Variants in CLEC16A observed in about 807,000 individuals in gnomAD.
CLEC16A encodes C-type lectin domain containing 16A, also known as protein CLEC16A.
CLEC16A carries 51 observed loss-of-function variants against 109.5 expected under a neutral mutation model. The ratio of observed to expected loss-of-function variants is 0.47; its 90% confidence interval spans 0.37 to 0.59. CLEC16A has a LOEUF of 0.59. Among genes scored for constraint, CLEC16A ranks in the 20% least tolerant of loss-of-function variants. CLEC16A has a pLI of 0.00. For synonymous variants in CLEC16A, 673 were observed against 564.2 expected (o/e 1.19, Z -2.73); for missense variants, 1,339 against 1,394.0 (o/e 0.96, Z 0.63).
At position 11,166,456 on chromosome 16, in the gene CLEC16A, G is replaced by A. The variant is rs61736204; in HGVS notation, c.2710G>A (p.Ala904Thr). ...CCTGTCCTCACAGTCGCCACCCTCCGCCAGCGGGAGCCCCAGCGGCAGCGG... is the reference window on the plus strand; with the variant it reads ...CCTGTCCTCACAGTCGCCACCCTCCACCAGCGGGAGCCCCAGCGGCAGCGG... ...PSLSSQSPPS[A>T]SGSPSGSGST... Residue 904 changes from alanine to threonine, a missense_variant, in exon 23 of 24, where the codon GCC becomes ACC. Physicochemically the swap from Ala to Thr is moderately conservative, Grantham distance 58 (BLOSUM62 0). This residue lies in a region of CLEC16A where 1,061 missense variants were observed against 1,006.8 expected (regional missense o/e 1.05). Coordinates refer to ENST00000409790, the MANE Select transcript of CLEC16A (RefSeq NM_015226.3). 1,669 of 1,607,650 alleles carry A rather than the reference G, an allele frequency of 1.0e-3. 17 individuals carry two copies. In the African/African-American group the frequency reaches 0.02, roughly 19 times the overall value.
chr16:11,077,514 A>C (rs1340863506), intron 19 of CLEC16A, among the ~76,000 whole-genome samples: 2 of 150,004 alleles, frequency 1.3e-5, no homozygotes, highest in African/African-American at 4.9e-5. Context: ...AACATTAGCC[A>C]GGCGTAGTGG....
chr16:10,996,106 CG>C (rs1247142127), intron 10 of CLEC16A, among the ~76,000 whole-genome samples: 2 of 152,174 alleles, frequency 1.3e-5, no homozygotes, highest in African/African-American at 4.8e-5. Flanking sequence ...CCTGGTCACT[CG>C]CCAACAACTG....
chr16:10,980,611 T>C (rs1388435625), intron 9 of CLEC16A, among the ~76,000 whole-genome samples: 2 of 152,096 alleles, frequency 1.3e-5, no homozygotes, highest in Non-Finnish European at 2.9e-5. Context: ...GACTTTTCTC[T>C]GAGACTCCTC....
intron 13 of CLEC16A, among the ~76,000 whole-genome samples, chr16:11,025,511 CTGT>C (rs1330087231): frequency 6.6e-6 from 1 of 152,194 alleles, no homozygotes; most frequent in Non-Finnish European, 1.5e-5. Context: ...GGAATAGTTA[CTGT>C]TGTTTGCCCC....
At chr16:11,163,785 G>A (rs930150958) in intron 22 of CLEC16A, among the ~76,000 whole-genome samples, 1 of 152,156 alleles carries the variant, frequency 6.6e-6, no homozygotes, top group African/African-American at 2.4e-5. Context: ...GTCATTGTCG[G>A]GAGCATACAA....
At chr16:11,095,817 GAA>G (rs34366897) in intron 19 of CLEC16A, among the ~76,000 whole-genome samples, 16,496 of 106,192 alleles carry the variant, frequency 0.16, 952 homozygotes, top group East Asian at 0.23. Context: ...GTCTCAAAAA[GAA>G]AAAAAAAAAA....
At chr16:11,066,431 G>A (rs1027937848) in intron 19 of CLEC16A, 12 of 152,490 alleles carry the variant, frequency 7.9e-5, no homozygotes, top group African/African-American at 2.9e-4. Context: ...TCATCAGCAG[G>A]GCTGATCCTG....
chr16:11,024,816 T>C lies in CLEC16A; in HGVS notation c.1437-5T>C. On this transcript the variant is annotated splice_region_variant and splice_polypyrimidine_tract_variant and intron_variant, in intron 12 of 23. Coordinates refer to ENST00000409790, the MANE Select transcript of CLEC16A (RefSeq NM_015226.3). ...AGGCTCATACATGCCCCTCCTCTTT[T>C]CCAGACCCTTCCTGGATATGGTGTA... 1 of 1,590,592 alleles carries C rather than the reference T, an allele frequency of 6.3e-7. No homozygotes were observed. The highest frequency in any genetic ancestry group is 1.3e-5 in the African/African-American group (1 of 74,646).
chr16:11,035,566 C>T (rs2046973949), intron 13 of CLEC16A, among the ~76,000 whole-genome samples: 1 of 152,134 alleles, frequency 6.6e-6, no homozygotes, highest in Admixed American at 6.5e-5. Context: ...CTCCACATGA[C>T]CCCAGGCAAG....
At chr16:11,081,226 G>C (rs1465308854) in intron 19 of CLEC16A, among the ~76,000 whole-genome samples, 1 of 152,168 alleles carries the variant, frequency 6.6e-6, no homozygotes, top group Non-Finnish European at 1.5e-5. Context: ...TGGGCCCCTG[G>C]GTCTCAGAAA....
At chr16:10,998,301 C>T (rs939090575) in intron 10 of CLEC16A, among the ~76,000 whole-genome samples, 4 of 152,168 alleles carry the variant, frequency 2.6e-5, no homozygotes, top group Admixed American at 2.0e-4. Context: ...ACCCCAGAAG[C>T]CAGCCCAAAT....
intron 22 of CLEC16A, among the ~76,000 whole-genome samples, chr16:11,151,682 T>G (rs569531197): frequency 6.6e-6 from 1 of 152,334 alleles, no homozygotes; most frequent in South Asian, 2.1e-4. Context: ...GCAATTTCAC[T>G]CACAGGGCAG....
intron 21 of CLEC16A, 85 bp downstream of exon 21, chr16:11,124,031 C>T (rs1440995762): frequency 9.1e-6 from 11 of 1,210,506 alleles, no homozygotes; most frequent in Non-Finnish European, 1.3e-5. Flanking sequence ...CCTTGAGAAC[C>T]CCCATAGCAT....
rs200655375 is a variant in CLEC16A at position 11,023,098 on chromosome 16, GT to G, written c.1437-1706del. ...ACCATTTTGGTTATTTTTTTTACCAGTTTTTTTTTTTTTTTTTCCGATGTGA... is the reference window on the plus strand; with the variant it reads ...ACCATTTTGGTTATTTTTTTTACCAGTTTTTTTTTTTTTTTTCCGATGTGA... On this transcript the variant is annotated intron_variant, in intron 12 of 23. Transcript: ENST00000409790. Among the ~76,000 whole-genome samples the G allele has an allele frequency of 7.3e-3, 965 of 131,796 alleles. 4 individuals carry two copies. The highest frequency in any genetic ancestry group is 0.016 in the African/African-American group (565 of 36,146). The allele number at this position is 131,796 out of a possible 152,430, so 86.5% of individuals were successfully genotyped here.
chr16:11,098,691 T>G (rs926692372), intron 19 of CLEC16A, among the ~76,000 whole-genome samples: 10 of 152,306 alleles, frequency 6.6e-5, no homozygotes, highest in African/African-American at 2.4e-4. Flanking sequence ...GGGCCTCCCT[T>G]CGAGGAACCC....
chr16:11,157,466 T>G (rs2054577034), intron 22 of CLEC16A, among the ~76,000 whole-genome samples: 1 of 152,204 alleles, frequency 6.6e-6, no homozygotes, highest in African/African-American at 2.4e-5. Context: ...ACTGAAACAG[T>G]AAATCATCTG....
intron 19 of CLEC16A, among the ~76,000 whole-genome samples, chr16:11,086,904 TC>T (rs2050042750): frequency 6.6e-6 from 1 of 152,190 alleles, no homozygotes; most frequent in African/African-American, 2.4e-5. Flanking sequence ...CAGAGGCAGT[TC>T]TGTGTCTGGG....
intron 17 of CLEC16A, chr16:11,047,853 C>T (rs1427547176): frequency 6.6e-6 from 1 of 152,252 alleles, no homozygotes; most frequent in East Asian, 1.9e-4. Context: ...GTGGAAGGCA[C>T]CTCTTCACAG....
chr16:11,012,930 G>C (rs1191754297), intron 11 of CLEC16A, among the ~76,000 whole-genome samples: 1 of 152,106 alleles, frequency 6.6e-6, no homozygotes, highest in Non-Finnish European at 1.5e-5. Flanking sequence ...TTAGGATCTT[G>C]TATGACCAGT....
Sources: gnomAD v4.1 joint callset for allele counts (sites outside exome capture counted in the v4.1 genomes callset) on GRCh38, gnomAD v4.1.1 for gene constraint, gnomAD v4.1.1 regional missense constraint, MANE v1.5 for transcripts, NCBI Gene and HGNC (gene_info 2026-07-23, HGNC 2026-07-21) for gene names.